Variants in ADGRB3 observed in about 807,000 individuals in gnomAD.
ADGRB3 encodes the protein brain-specific angiogenesis inhibitor 3.
A neutral mutation model predicts 193.4 loss-of-function variants in ADGRB3; 37 were observed. That is an observed-to-expected ratio of 0.19 (90% CI 0.15 to 0.25). The LOEUF is 0.25. Ranked by LOEUF, ADGRB3 falls within the 10% of genes least tolerant of loss-of-function variation. The pLI is 1.00. For synonymous variants in ADGRB3, 690 were observed against 644.2 expected (o/e 1.07, Z -1.08); for missense variants, 1,637 against 1,852.9 (o/e 0.88, Z 2.14).
At chr6:68,718,486 A>T (rs1483225805) in intron 3 of ADGRB3, among the ~76,000 whole-genome samples, 1 of 151,778 alleles carries the variant, frequency 6.6e-6, no homozygotes, top group Non-Finnish European at 1.5e-5. Flanking sequence ...ACTTAGAGTG[A>T]TCTGCCACTG....
intron 20 of ADGRB3, among the ~76,000 whole-genome samples, chr6:69,262,271 C>T (rs1385159234): frequency 5.3e-5 from 8 of 151,954 alleles, no homozygotes; most frequent in Admixed American, 1.3e-4. Context: ...CACTTTGTTT[C>T]GTTTTTTTCT....
intron 17 of ADGRB3, among the ~76,000 whole-genome samples, chr6:69,215,245 T>C (rs1765752001): frequency 6.6e-6 from 1 of 152,186 alleles, no homozygotes; most frequent in African/African-American, 2.4e-5. Flanking sequence ...ATTTTAACTT[T>C]ATAACATTAA....
At chr6:69,332,076 G>T in intron 23 of ADGRB3, 4 of 985,338 alleles carry the variant, frequency 4.1e-6, no homozygotes, top group Non-Finnish European at 4.8e-6. Context: ...AAGGCAAAAA[G>T]AAGAACATAT....
intron 17 of ADGRB3, among the ~76,000 whole-genome samples, chr6:69,137,038 G>A (rs1163495573): frequency 7.6e-6 from 1 of 132,272 alleles, no homozygotes; most frequent in African/African-American, 2.9e-5. Context: ...ATGCAGTGGT[G>A]TTTCTTTTCT....
chr6:69,272,281 C>T (rs542513783), intron 20 of ADGRB3, among the ~76,000 whole-genome samples: 31 of 152,236 alleles, frequency 2.0e-4, no homozygotes, highest in African/African-American at 6.5e-4. Context: ...AGAAACAAAT[C>T]GTTTTCATTC....
chr6:69,040,707 A>G lies in ADGRB3; in HGVS notation c.2108-7478A>G, dbSNP rs542264785. 3.1e-4 allele frequency among the ~76,000 whole-genome samples: 19 copies of G among 60,460 alleles called. No individual in the cohort carries two copies. The South Asian group carries it at 7.4e-3, about 23-fold the overall frequency. 39.7% of individuals were successfully genotyped at this position (60,460 alleles called of 152,430 possible). On this transcript the variant is annotated intron_variant, in intron 13 of 31. Transcript: ENST00000370598. ...AAAAAAAAAAAAAAAAAAAAAAAAA[A>G]AACAAACAAGAATTTGAAGTTGATG...
At chr6:69,225,604 G>A (rs1186971999) in intron 17 of ADGRB3, among the ~76,000 whole-genome samples, 2 of 152,090 alleles carry the variant, frequency 1.3e-5, no homozygotes, top group African/African-American at 4.8e-5. Context: ...ACATAAAATA[G>A]CACCACCAAA....
At chr6:68,886,071 G>C (rs757897587) in intron 3 of ADGRB3, among the ~76,000 whole-genome samples, 4 of 152,032 alleles carry the variant, frequency 2.6e-5, no homozygotes, top group African/African-American at 9.7e-5. Context: ...CCCTATAAAC[G>C]TTAGGAATGG....
In ADGRB3 at chr6:68,791,144, G is replaced by A. The variant is rs192459315; in HGVS notation, c.758-139415G>A. Reference sequence around the variant, plus strand: ...AACAACTTATGTCTTTACCTTCTGAGTTTCCTTAGCAATATCTTTCTCTAA... The same window carrying A: ...AACAACTTATGTCTTTACCTTCTGAATTTCCTTAGCAATATCTTTCTCTAA... On this transcript the variant is annotated intron_variant, in intron 3 of 31. Transcript: ENST00000370598. Among the ~76,000 whole-genome samples the A allele has an allele frequency of 2.9e-3, 439 of 151,734 alleles. 6 individuals are homozygous for A. The highest frequency in any genetic ancestry group is 0.01 in the African/African-American group (427 of 41,336).
intron 13 of ADGRB3, among the ~76,000 whole-genome samples, chr6:69,031,037 C>CTCTCTTCTCTTCTCTTCTCT (rs749578717): frequency 2.2e-3 from 79 of 36,522 alleles, no homozygotes; most frequent in African/African-American, 6.8e-3. Flanking sequence ...CTCTTCTCTT[C>CTCTCTTCTCTTCTCTTCTCT]TCTCTTCTCT....
intron 27 of ADGRB3, among the ~76,000 whole-genome samples, chr6:69,355,360 T>C (rs892633057): frequency 6.6e-6 from 1 of 152,200 alleles, no homozygotes; most frequent in Non-Finnish European, 1.5e-5. Context: ...GAGCCTAGTT[T>C]GAGCCTAGTT....
intron 25 of ADGRB3, 27 bp from the exon 26 acceptor site, chr6:69,339,306 G>T (rs756953552): frequency 1.2e-6 from 2 of 1,609,234 alleles, no homozygotes; most frequent in South Asian, 2.2e-5. Flanking sequence ...GTATAGCTAC[G>T]TAATGTTACT....
chr6:69,339,579 A>T, intron 26 of ADGRB3, 75 bp downstream of exon 26: 1 of 1,476,102 alleles, frequency 6.8e-7, no homozygotes, highest in Admixed American at 1.8e-5. Flanking sequence ...TGATCTTTTA[A>T]TATCTTGATG....
intron 17 of ADGRB3, among the ~76,000 whole-genome samples, chr6:69,178,703 T>G (rs2150350547): frequency 6.6e-6 from 1 of 152,342 alleles, no homozygotes; most frequent in African/African-American, 2.4e-5. Flanking sequence ...CTCCCTTACT[T>G]ATGAAGCTTA....
intron 3 of ADGRB3, among the ~76,000 whole-genome samples, chr6:68,777,907 A>G (rs950281279): frequency 2.6e-5 from 4 of 152,042 alleles, no homozygotes; most frequent in African/African-American, 7.2e-5. Context: ...GGAAAATGCA[A>G]TCTTGCTAAG....
At chr6:69,094,202 T>C (rs1383276003) in intron 17 of ADGRB3, among the ~76,000 whole-genome samples, 2 of 152,162 alleles carry the variant, frequency 1.3e-5, no homozygotes, top group Non-Finnish European at 2.9e-5. Flanking sequence ...AGAATGAGTC[T>C]CAGGTAGGTC....
chr6:69,090,823 G>T (rs1463478135), intron 17 of ADGRB3, among the ~76,000 whole-genome samples: 1 of 152,254 alleles, frequency 6.6e-6, no homozygotes, highest in South Asian at 2.1e-4. Flanking sequence ...AATGCCTAAT[G>T]GTTGCCCCAA....
rs528635491 is a variant in ADGRB3, at chr6:68,914,067, T to C, written c.758-16492T>C. Among the ~76,000 whole-genome samples the C allele has an allele frequency of 3.7e-3, 557 of 151,964 alleles. 3 individuals are homozygous for C. Among genetic ancestry groups the C allele is most frequent in the African/African-American group, 0.013 (521 of 41,400 alleles). On this transcript the variant is annotated intron_variant, in intron 3 of 31. Transcript: ENST00000370598. Reference sequence around the variant, plus strand: ...GTGAAAAGACCAAATCTACGTCTGATTGGTGTACCTGAAAGTGATGTGGAG... The same window carrying C: ...GTGAAAAGACCAAATCTACGTCTGACTGGTGTACCTGAAAGTGATGTGGAG...
chr6:68,965,706 T>G (rs1768361287), intron 8 of ADGRB3, among the ~76,000 whole-genome samples: 1 of 152,146 alleles, frequency 6.6e-6, no homozygotes, highest in Non-Finnish European at 1.5e-5. Flanking sequence ...ATCTTACAAA[T>G]GGATTTTTAT....
Sources: gnomAD v4.1 joint callset for allele counts (sites outside exome capture counted in the v4.1 genomes callset) on GRCh38, gnomAD v4.1.1 for gene constraint, MANE v1.5 for transcripts, NCBI Gene and HGNC (gene_info 2026-07-23, HGNC 2026-07-21) for gene names.